CDON: variants seen among roughly 807,000 people sequenced by gnomAD.
CDON encodes the protein cell adhesion molecule-related/down-regulated by oncogenes.
A neutral mutation model predicts 120.9 loss-of-function variants in CDON; 73 were observed. That is an observed-to-expected ratio of 0.60 (90% CI 0.50 to 0.73). The LOEUF (loss-of-function observed/expected upper bound fraction) is 0.73. Ranked by LOEUF, CDON falls within the 30% of genes least tolerant of loss-of-function variation. The pLI is 0.00. For synonymous variants in CDON, 566 were observed against 573.5 expected, an observed-to-expected ratio of 0.99 and a Z score of 0.19; for missense variants, 1,470 against 1,587.3, an observed-to-expected ratio of 0.93 and a Z score of 1.26.
rs117012256 is a variant in CDON, at chr11:126,047,956, C to T, written c.-62+14623G>A. ...CCATATCTACTTCCAGAGAGTAGTA[C>T]GTGAATGACATAAATGATAAAAATC... On this transcript the variant is annotated intron_variant, in intron 1 of 19. Coordinates refer to ENST00000531738, the MANE Select transcript of CDON (RefSeq NM_001378964.1). 2.2e-4 allele frequency among the ~76,000 whole-genome samples: 33 copies of T among 152,188 alleles called. No homozygotes were observed. In the East Asian group the frequency reaches 5.0e-3, roughly 23 times the overall value.
intron 2 of CDON, among the ~76,000 whole-genome samples, chr11:126,022,120 A>G (rs888641322): frequency 1.3e-5 from 2 of 151,362 alleles, no homozygotes; most frequent in African/African-American, 2.4e-5. Context: ...AAAAAAAAAA[A>G]AAAAAGAAAG....
At chr11:126,028,449 C>T (rs957232294) in intron 1 of CDON, among the ~76,000 whole-genome samples, 4 of 152,078 alleles carry the variant, frequency 2.6e-5, no homozygotes, top group East Asian at 1.9e-4. Context: ...CTGCAGCCTC[C>T]GCCTCCCAGG....
At chr11:125,973,697 GTTTTA>G in intron 18 of CDON, among the ~76,000 whole-genome samples, 1 of 152,218 alleles carries the variant, frequency 6.6e-6, no homozygotes, top group East Asian at 1.9e-4. Context: ...CAGGCATTCT[GTTTTA>G]GAGATTGTGT....
At chr11:125,963,784 T>G (rs182341745) in intron 18 of CDON, among the ~76,000 whole-genome samples, 2 of 152,378 alleles carry the variant, frequency 1.3e-5, no homozygotes, top group African/African-American at 4.8e-5. Context: ...AATACGACTC[T>G]GATTTTAATG....
intron 5 of CDON, among the ~76,000 whole-genome samples, chr11:126,017,994 C>T (rs567850314): frequency 1.3e-5 from 2 of 151,918 alleles, no homozygotes; most frequent in African/African-American, 2.4e-5. Flanking sequence ...CTGCCTCCCA[C>T]GTTCAAGCGA....
chr11:126,042,552 T>C (rs778574330), intron 1 of CDON, among the ~76,000 whole-genome samples: 3 of 152,254 alleles, frequency 2.0e-5, no homozygotes, highest in African/African-American at 4.8e-5. Flanking sequence ...CAAAGAATAA[T>C]AACAGCTACC....
chr11:126,003,065 C>A (rs1947000797), intron 10 of CDON, among the ~76,000 whole-genome samples: 1 of 152,128 alleles, frequency 6.6e-6, no homozygotes, highest in African/African-American at 2.4e-5. Context: ...CCTGCTTAAA[C>A]TGTTAACAAC....
intron 1 of CDON, among the ~76,000 whole-genome samples, chr11:126,028,265 T>C (rs1021995505): frequency 1.3e-5 from 2 of 152,214 alleles, no homozygotes; most frequent in Non-Finnish European, 2.9e-5. Flanking sequence ...TTCCTTCTCA[T>C]CTTTTTCATA....
chr11:125,998,501 T>C (rs1256221264), intron 11 of CDON, among the ~76,000 whole-genome samples: 1 of 152,038 alleles, frequency 6.6e-6, no homozygotes, highest in Non-Finnish European at 1.5e-5. Context: ...GACTGTAACC[T>C]GAGGCCTCAC....
In CDON at chr11:125,989,581, A is replaced by T. The variant is rs1013575234; in HGVS notation, c.2773+56T>A. ...CCAGAATATATCAGTAGTCAGAAGC[A>T]GTAATCCAGGGTTGGAATTCTATCA... is the stretch of plus-strand genomic sequence containing the variant. On this transcript the variant is annotated intron_variant, in intron 15 of 19. Coordinates refer to ENST00000531738, the MANE Select transcript of CDON (RefSeq NM_001378964.1). 2.0e-6 allele frequency: 3 copies of T among 1,535,076 alleles called. No homozygotes were observed. In the African/African-American group the frequency reaches 4.1e-5, roughly 21 times the overall value.
At chr11:125,978,828 A>G (rs1223895514) in intron 17 of CDON, among the ~76,000 whole-genome samples, 2 of 151,970 alleles carry the variant, frequency 1.3e-5, no homozygotes, top group Non-Finnish European at 2.9e-5. Context: ...GTCACATGAT[A>G]AACTCATCTT....
chr11:125,965,967 T>C (rs939111250), intron 18 of CDON, among the ~76,000 whole-genome samples: 6 of 152,132 alleles, frequency 3.9e-5, no homozygotes, highest in South Asian at 4.2e-4. Flanking sequence ...AAACCGCGTC[T>C]CTACTAAAAA....
In CDON at chr11:125,981,284, C is replaced by G. The variant is rs1458524178; in HGVS notation, c.3041G>C (p.Gly1014Ala). The G allele has an allele frequency of 1.2e-6, 2 of 1,614,078 alleles. No homozygotes were observed. Among genetic ancestry groups the G allele is most frequent in the Non-Finnish European group, 1.7e-6 (2 of 1,180,008 alleles). Reference protein sequence around the residue: ...GYLYQGSDMNGQMVDYTTLSG... With the variant: ...GYLYQGSDMNAQMVDYTTLSG... Reference sequence around the variant, plus strand: ...GAGAGTGGTGTAGTCCACCATCTGCCCGTTCATATCTGATCCTTGGTAGAG... The same window carrying G: ...GAGAGTGGTGTAGTCCACCATCTGCGCGTTCATATCTGATCCTTGGTAGAG... The change falls in exon 17 of 20, where the codon GGG becomes GCG. Residue 1014 changes from glycine to alanine, a missense_variant. By Grantham distance (60) the Gly-to-Ala change is moderately conservative. Transcript: ENST00000531738.
At chr11:125,967,574 C>T (rs890879685) in intron 18 of CDON, among the ~76,000 whole-genome samples, 1 of 152,156 alleles carries the variant, frequency 6.6e-6, no homozygotes, top group African/African-American at 2.4e-5. Context: ...CAGTGATGGC[C>T]TAAAATACAC....
At chr11:125,988,598 G>A (rs577659094) in intron 15 of CDON, among the ~76,000 whole-genome samples, 23 of 152,138 alleles carry the variant, frequency 1.5e-4, no homozygotes, top group Non-Finnish European at 2.6e-4. Flanking sequence ...GGAGATTGTC[G>A]TGTTCCTTGC....
In CDON at chr11:126,050,411, T is replaced by C. The variant is rs567221456; in HGVS notation, c.-62+12168A>G. On this transcript the variant is annotated intron_variant, in intron 1 of 19. Coordinates refer to ENST00000531738, the MANE Select transcript of CDON (RefSeq NM_001378964.1). ...TTTGAACTAGATTAAAACTTTTATA[T>C]GATATCAATGCTCGATCATTTAGTC... Among the ~76,000 whole-genome samples, 12 of 152,066 alleles carry C rather than the reference T, an allele frequency of 7.9e-5. No homozygotes were observed. The South Asian group carries it at 2.5e-3, about 32-fold the overall frequency.
intron 15 of CDON, 115 bp downstream of exon 15, chr11:125,989,522 T>G (rs1473929159): frequency 1.0e-6 from 1 of 998,790 alleles, no homozygotes; most frequent in African/African-American, 1.6e-5. Flanking sequence ...GGTGACAGAG[T>G]GAGACCGTGT....
intron 8 of CDON, among the ~76,000 whole-genome samples, chr11:126,009,565 G>A (rs1188302481): frequency 6.6e-6 from 1 of 152,178 alleles, no homozygotes; most frequent in Admixed American, 6.5e-5. Flanking sequence ...CATGGCCCCA[G>A]GCAGAAGAGA....
intron 1 of CDON, among the ~76,000 whole-genome samples, chr11:126,031,696 CTT>C (rs1399386499): frequency 6.6e-6 from 1 of 152,130 alleles, no homozygotes; most frequent in African/African-American, 2.4e-5. Flanking sequence ...GTGAAACACT[CTT>C]GTGTTGAGCT....
Sources: allele counts gnomAD v4.1 joint callset (sites outside exome capture counted in the v4.1 genomes callset), GRCh38; gene constraint gnomAD v4.1.1; transcripts MANE v1.5; gene names NCBI Gene and HGNC (gene_info 2026-07-23, HGNC 2026-07-21).